The following SPATA1 variants were observed in gnomAD, a reference collection of about 807,000 sequenced individuals.
The protein encoded by SPATA1 is spermatogenesis-associated protein 1.
Under a neutral mutation model 59.6 loss-of-function variants are expected in SPATA1, and 57 were observed. The ratio of observed to expected loss-of-function variants is 0.96; its 90% CI spans 0.77 to 1.19. The LOEUF is 1.19. SPATA1 is among the 50% of genes most tolerant of loss of function. The pLI is 0.00. For missense variants in SPATA1, 448 were observed against 480.7 expected (o/e 0.93, Z 0.64); for synonymous variants, 147 against 163.9 (o/e 0.90, Z 0.79).
At chr1:84,558,573 G>A (rs955963909), downstream of SPATA1, among the ~76,000 whole-genome samples, 1 of 149,926 alleles carries the variant, frequency 6.7e-6, no homozygotes, top group Non-Finnish European at 1.5e-5. Flanking sequence ...TTACAGGCGT[G>A]AGCCACCGCG....
chr1:84,508,295 AC>A (rs1682372181), intron 1 of SPATA1, among the ~76,000 whole-genome samples: 2 of 151,826 alleles, frequency 1.3e-5, no homozygotes, highest in South Asian at 4.1e-4. Context: ...AAAAAAAAAA[AC>A]AAAACCATTG....
At chr1:84,528,006 C>G (rs1290906411) in intron 6 of SPATA1, among the ~76,000 whole-genome samples, 1 of 152,240 alleles carries the variant, frequency 6.6e-6, no homozygotes, top group Non-Finnish European at 1.5e-5. Context: ...GCTAGGATTA[C>G]AGGCGTGAGC....
At chr1:84,543,762 G>A (rs143540042) in intron 8 of SPATA1, among the ~76,000 whole-genome samples, 238 of 152,028 alleles carry the variant, frequency 1.6e-3, no homozygotes, top group African/African-American at 5.5e-3. Flanking sequence ...CAAACACAGA[G>A]GAGATAAGAT....
At chr1:84,560,521 A>C (rs1245981953) in intron 4 of SPATA1, among the ~76,000 whole-genome samples, 1 of 152,182 alleles carries the variant, frequency 6.6e-6, no homozygotes, top group East Asian at 1.9e-4. Context: ...TTCATTCTGA[A>C]ACCTCCCATG....
intron 1 of SPATA1, 53 bp from the exon 2 acceptor site, chr1:84,516,170 T>G: frequency 2.0e-6 from 1 of 505,790 alleles, no homozygotes; most frequent in Non-Finnish European, 3.5e-6. Flanking sequence ...AGTTTTCATT[T>G]GTAGTTTATT....
intron 2 of SPATA1, among the ~76,000 whole-genome samples, chr1:84,519,155 A>G (rs1339860640): frequency 2.6e-5 from 4 of 152,038 alleles, no homozygotes; most frequent in Non-Finnish European, 5.9e-5. Context: ...CCATATTTTA[A>G]ATAGAGACAG....
In SPATA1 at chr1:84,545,879, AGTGGT is replaced by A. The variant is rs1327903958; in HGVS notation, c.946+121_946+125del. The A allele has an allele frequency of 3.0e-5, 22 of 736,176 alleles. No homozygotes were observed. In the African/African-American group the frequency reaches 3.9e-4, roughly 13 times the overall value. 45.6% of individuals were successfully genotyped at this position (736,176 alleles called of 1,614,324 possible). On this transcript the variant is annotated intron_variant, in intron 10 of 12. Coordinates refer to ENST00000490879, the Ensembl canonical transcript of SPATA1. ...TTTACTGTTTTACTATTTTAGTTTA[AGTGGT>A]ACATGATTAAGTTCAATATAGAAAA...
At chr1:84,535,096 C>A (rs1683619158) in intron 8 of SPATA1, among the ~76,000 whole-genome samples, 1 of 152,160 alleles carries the variant, frequency 6.6e-6, no homozygotes, top group African/African-American at 2.4e-5. Context: ...CCACCTCCTA[C>A]ACCATTTGTT....
At chr1:84,566,699 C>A (rs1294426877), downstream of SPATA1, among the ~76,000 whole-genome samples, 1 of 152,184 alleles carries the variant, frequency 6.6e-6, no homozygotes, top group African/African-American at 2.4e-5. Context: ...GTGGCGCAAT[C>A]TCAGCTCACT....
chr1:84,521,191 G>A (rs2101937533), intron 3 of SPATA1, among the ~76,000 whole-genome samples: 1 of 151,346 alleles, frequency 6.6e-6, no homozygotes, highest in Admixed American at 6.6e-5. Context: ...AAGAACGGAA[G>A]GAAGGGAGGG....
intron 1 of SPATA1, among the ~76,000 whole-genome samples, chr1:84,515,470 C>T (rs1005546225): frequency 6.6e-5 from 10 of 151,932 alleles, no homozygotes; most frequent in African/African-American, 2.4e-4. Context: ...GATTTAAATC[C>T]TTATTTTAAC....
chr1:84,532,270 C>T (rs1305439506), intron 6 of SPATA1, among the ~76,000 whole-genome samples: 1 of 152,164 alleles, frequency 6.6e-6, no homozygotes, highest in Non-Finnish European at 1.5e-5. Context: ...CCAAGGTGGG[C>T]ATATCACCTG....
intron 4 of SPATA1, among the ~76,000 whole-genome samples, chr1:84,524,269 G>A (rs546796160): frequency 2.0e-5 from 3 of 152,064 alleles, no homozygotes; most frequent in Non-Finnish European, 4.4e-5. Context: ...AATAATAAAT[G>A]GTACATTTTT....
At chr1:84,513,842 A>ATTTTT (rs60377217) in intron 1 of SPATA1, among the ~76,000 whole-genome samples, 6,880 of 124,840 alleles carry the variant, frequency 0.055, 366 homozygotes, top group African/African-American at 0.083. Flanking sequence ...TCTATATTCT[A>ATTTTT]TTTTTTTTTT....
intron 4 of SPATA1, among the ~76,000 whole-genome samples, chr1:84,523,830 G>A (rs1014240123): frequency 2.6e-5 from 4 of 151,994 alleles, no homozygotes; most frequent in South Asian, 2.1e-4. Context: ...TCTTTTCATG[G>A]TATGTAAATG....
intron 1 of SPATA1, among the ~76,000 whole-genome samples, chr1:84,512,563 T>G (rs1355218400): frequency 6.6e-6 from 1 of 152,212 alleles, no homozygotes; most frequent in African/African-American, 2.4e-5. Context: ...AGACACAGAA[T>G]AAGTATCAGA....
chr1:84,550,541 T>G lies in SPATA1; in HGVS notation c.1224+11T>G. Reference sequence around the variant, plus strand: ...ATAGTAGAAGTTAAGGTAATTTACATTTTTCCTAATCAGATTATTATAACA... The same window carrying G: ...ATAGTAGAAGTTAAGGTAATTTACAGTTTTCCTAATCAGATTATTATAACA... On this transcript the variant is annotated intron_variant, in intron 12 of 12. Coordinates refer to ENST00000490879, the Ensembl canonical transcript of SPATA1. The G allele has an allele frequency of 6.6e-7, 1 of 1,506,614 alleles. No individual in the cohort carries two copies. The highest frequency in any genetic ancestry group is 8.9e-7 in the Non-Finnish European group (1 of 1,125,072). The allele number at this position is 1,506,614 out of a possible 1,614,324, so 93.3% of individuals were successfully genotyped here.
chr1:84,547,550 C>G (rs1285927665), intron 10 of SPATA1, among the ~76,000 whole-genome samples: 1 of 151,922 alleles, frequency 6.6e-6, no homozygotes, highest in Non-Finnish European at 1.5e-5. Context: ...TTAAAAAGAG[C>G]ATAGTAAAGA....
At chr1:84,525,646 GA>G (rs949769586) in intron 4 of SPATA1, 49 bp from the exon 5 acceptor site, 25 of 1,502,318 alleles carry the variant, frequency 1.7e-5, no homozygotes, top group Middle Eastern at 2.2e-4. Context: ...AAAAATAATT[GA>G]AAAAAATGTA....
Sources: allele counts gnomAD v4.1 joint callset (sites outside exome capture counted in the v4.1 genomes callset), GRCh38; gene constraint gnomAD v4.1.1; transcripts MANE v1.5; gene names NCBI Gene and HGNC (gene_info 2026-07-23, HGNC 2026-07-21).